CLASP1: variants seen among roughly 807,000 people sequenced by gnomAD.
CLASP1 encodes the protein CLIP-associating protein 1.
CLASP1 carries 38 observed loss-of-function variants against 192.3 expected under a neutral mutation model. That is an observed-to-expected ratio of 0.20 (90% confidence interval 0.15 to 0.26). The LOEUF is 0.26. CLASP1 is among the 10% of genes least tolerant of loss of function. CLASP1 has a pLI of 1.00. For missense variants in CLASP1, 1,433 were observed against 1,932.5 expected (o/e 0.74, Z 4.85); for synonymous variants, 691 against 712.8 (o/e 0.97, Z 0.49).
intron 2 of CLASP1, among the ~76,000 whole-genome samples, chr2:121,575,202 C>A (rs2060391483): frequency 6.6e-6 from 1 of 151,880 alleles, no homozygotes; most frequent in Admixed American, 6.6e-5. Flanking sequence ...ACCTCCGCCT[C>A]CCAGGTTCAA....
chr2:121,352,680 A>T (rs748162924), intron 37 of CLASP1, among the ~76,000 whole-genome samples: 6 of 152,186 alleles, frequency 3.9e-5, no homozygotes, highest in Admixed American at 6.5e-5. Context: ...TTTGAGACAG[A>T]GTCTCACTCT....
intron 2 of CLASP1, among the ~76,000 whole-genome samples, chr2:121,572,338 G>A (rs1242006280): frequency 1.3e-5 from 2 of 152,176 alleles, no homozygotes; most frequent in Admixed American, 6.5e-5. Context: ...TGAGGCAGGA[G>A]AATGGCATGA....
intron 1 of CLASP1, among the ~76,000 whole-genome samples, chr2:121,629,354 C>A (rs527529001): frequency 3.3e-5 from 5 of 151,898 alleles, no homozygotes; most frequent in African/African-American, 1.2e-4. Context: ...CGCACCACTG[C>A]ACTCCAGCCT....
At chr2:121,565,406 C>G (rs1016623849) in intron 2 of CLASP1, among the ~76,000 whole-genome samples, 6 of 152,226 alleles carry the variant, frequency 3.9e-5, no homozygotes, top group African/African-American at 1.2e-4. Context: ...CCTTGTTGCA[C>G]AAGTCCAGGA....
At chr2:121,528,497 T>C (rs370705647) in intron 4 of CLASP1, among the ~76,000 whole-genome samples, 180 bp downstream of exon 4, 6 of 152,398 alleles carry the variant, frequency 3.9e-5, no homozygotes, top group African/African-American at 9.6e-5. Flanking sequence ...CTCATAGTTT[T>C]GTGACTTATT....
intron 19 of CLASP1, among the ~76,000 whole-genome samples, chr2:121,438,099 G>C (rs2082611554): frequency 6.6e-6 from 1 of 152,098 alleles, no homozygotes; most frequent in Non-Finnish European, 1.5e-5. Context: ...ATATAACACA[G>C]AGTATGAACT....
intron 39 of CLASP1, among the ~76,000 whole-genome samples, chr2:121,342,400 G>A (rs1488031738): frequency 1.3e-5 from 2 of 152,132 alleles, no homozygotes; most frequent in African/African-American, 4.8e-5. Flanking sequence ...TTACTAGCGT[G>A]AGCCACCGCA....
At chr2:121,466,477 C>A (rs1233118106) in intron 9 of CLASP1, among the ~76,000 whole-genome samples, 1 of 152,106 alleles carries the variant, frequency 6.6e-6, no homozygotes, top group Non-Finnish European at 1.5e-5. Context: ...TTTTACTTGG[C>A]CCACTCAGCT....
chr2:121,618,555 A>G (rs2066822132), intron 1 of CLASP1, among the ~76,000 whole-genome samples: 1 of 152,214 alleles, frequency 6.6e-6, no homozygotes, highest in Non-Finnish European at 1.5e-5. Flanking sequence ...TATTCCATAC[A>G]TACACCAAGA....
At chr2:121,404,693 C>A (rs191852048) in intron 25 of CLASP1, among the ~76,000 whole-genome samples, 2 of 152,234 alleles carry the variant, frequency 1.3e-5, no homozygotes, top group African/African-American at 4.8e-5. Flanking sequence ...TGTTTTTTCA[C>A]AAACTCTTAT....
chr2:121,470,024 T>G, intron 8 of CLASP1, 64 bp from the exon 9 acceptor site: 1 of 1,244,302 alleles, frequency 8.0e-7, no homozygotes, highest in Non-Finnish European at 1.1e-6. Context: ...CATATATATA[T>G]ACTTTTTCAC....
intron 1 of CLASP1, among the ~76,000 whole-genome samples, chr2:121,606,856 G>C (rs1021744886): frequency 2.6e-5 from 4 of 152,150 alleles, no homozygotes; most frequent in Non-Finnish European, 4.4e-5. Context: ...TCAGGAGTTC[G>C]AGACAGCCTG....
At chr2:121,498,601 A>G (rs1323816123) in intron 8 of CLASP1, among the ~76,000 whole-genome samples, 1 of 152,244 alleles carries the variant, frequency 6.6e-6, no homozygotes, top group East Asian at 1.9e-4. Context: ...CTCAAGTGAC[A>G]CTATCAAGAA....
Position 121,515,773 on chromosome 2 carries a change from A to G in CLASP1, c.547-11T>C, listed in dbSNP as rs1449433499. The G allele has an allele frequency of 5.0e-6, 8 of 1,610,954 alleles. No individual in the cohort carries two copies. In the African/African-American group the frequency reaches 9.4e-5, roughly 19 times the overall value. On this transcript the variant is annotated splice_polypyrimidine_tract_variant and intron_variant, in intron 6 of 39. Transcript: ENST00000263710. Reference sequence around the variant, plus strand: ...TGCTGCATCTCGAACCTAGATATAAAAGAAGAGATCTTACAGCTGCTCTGT... The same window carrying G: ...TGCTGCATCTCGAACCTAGATATAAGAGAAGAGATCTTACAGCTGCTCTGT...
intron 14 of CLASP1, 97 bp downstream of exon 14, chr2:121,457,590 C>T: frequency 2.3e-6 from 2 of 860,118 alleles, no homozygotes; most frequent in Non-Finnish European, 3.8e-6. Flanking sequence ...TAATACTAAG[C>T]ATGTTATACA....
chr2:121,465,144 AAC>A (rs2089260280), intron 9 of CLASP1, among the ~76,000 whole-genome samples: 1 of 152,152 alleles, frequency 6.6e-6, no homozygotes, highest in Admixed American at 6.5e-5. Context: ...ACTCCTATTC[AAC>A]ACAGTGTTAG....
chr2:121,390,035 G>A (rs994681779), intron 30 of CLASP1, among the ~76,000 whole-genome samples: 4 of 152,080 alleles, frequency 2.6e-5, no homozygotes, highest in Middle Eastern at 3.2e-3. Flanking sequence ...CCATAGTGCC[G>A]GGCCCAAGTA....
At chr2:121,611,121 G>T (rs1228614171) in intron 1 of CLASP1, among the ~76,000 whole-genome samples, 1 of 145,376 alleles carries the variant, frequency 6.9e-6, no homozygotes, top group African/African-American at 2.6e-5. Context: ...AACTGGAGGA[G>T]GAGGAGGAGT....
intron 37 of CLASP1, among the ~76,000 whole-genome samples, chr2:121,359,713 A>G (rs1213711329): frequency 6.6e-6 from 1 of 152,260 alleles, no homozygotes; most frequent in Non-Finnish European, 1.5e-5. Flanking sequence ...AAGTTAGATA[A>G]TGAAAGAGAC....
Sources: gnomAD v4.1 joint callset for allele counts (sites outside exome capture counted in the v4.1 genomes callset) on GRCh38, gnomAD v4.1.1 for gene constraint, MANE v1.5 for transcripts, NCBI Gene and HGNC (gene_info 2026-07-23, HGNC 2026-07-21) for gene names.